Variants in CCDC169 observed in about 807,000 individuals in gnomAD.
CCDC169 encodes coiled-coil domain-containing protein 169.
CCDC169 carries 30 observed loss-of-function variants against 36.0 expected under a neutral mutation model. The ratio of observed to expected loss-of-function variants is 0.83; its 90% CI spans 0.62 to 1.13. CCDC169 has a LOEUF of 1.13. Ranked by LOEUF, CCDC169 falls within the 50% of genes most tolerant of loss-of-function variation. The pLI, the probability that CCDC169 is intolerant of heterozygous loss-of-function variation, is 0.00. For missense variants in CCDC169, 245 were observed against 245.9 expected, an observed-to-expected ratio of 1.00 and a Z score of 0.03; for synonymous variants, 85 against 81.5, an observed-to-expected ratio of 1.04 and a Z score of -0.23.
In CCDC169 at chr13:36,295,853, C is replaced by A. The variant is rs1566095380; in HGVS notation, c.88G>T (p.Ala30Ser). 12 of 1,520,976 alleles carry A rather than the reference C, an allele frequency of 7.9e-6. No individual in the cohort carries two copies. In the South Asian group the frequency reaches 1.4e-4, roughly 17 times the overall value. 94.2% of individuals were successfully genotyped at this position (1,520,976 alleles called of 1,614,324 possible). A position where few individuals can be genotyped will look rare whatever the true frequency, so the allele number is the denominator to read the frequency against. The change falls in exon 2 of 8, where the codon GCA becomes TCA. Residue 30 changes from alanine (A) to serine (S), a missense_variant. Physicochemically the swap from Ala to Ser is moderately conservative, Grantham distance 99 (BLOSUM62 1). Transcript: ENST00000239859. The stretch of plus-strand genomic sequence containing the variant: ...AGTTCAAATATTGAGAGTTGCACTG[C>A]ATCCCTGTTATTTAAAATATTTTTG... ...QLLEEVRKKD[A>S]VQLSIFELRH...
At chr13:36,259,420 T>C (rs1043802176) in intron 4 of CCDC169, among the ~76,000 whole-genome samples, 2 of 152,214 alleles carry the variant, frequency 1.3e-5, no homozygotes, top group African/African-American at 4.8e-5. Flanking sequence ...AACAAAGCAA[T>C]GGACGACAGC....
intron 7 of CCDC169, among the ~76,000 whole-genome samples, chr13:36,240,029 T>A (rs1871583566): frequency 6.6e-6 from 1 of 152,160 alleles, no homozygotes; most frequent in African/African-American, 2.4e-5. Context: ...TAGATATCTA[T>A]GTATGTAAAA....
chr13:36,295,804 T>C lies in CCDC169; in HGVS notation c.137A>G (p.Glu46Gly). The change falls in exon 2 of 8, where the codon GAA (glutamate) becomes GGA (glycine). Residue 46 changes from glutamate to glycine, a missense_variant. Physicochemically the swap from Glu to Gly is moderately conservative, Grantham distance 98. Coordinates refer to ENST00000239859, the MANE Select transcript of CCDC169 (RefSeq NM_001144981.3). ...TTCATTGTCAGTATTGAGTTTGGCT[T>C]CCAGTTCCGTAATCTTGTGTCTTAG... is the stretch of plus-strand genomic sequence containing the variant. ...FELRHKITEL[E>G]AKLNTDNEGS... 5.8e-6 allele frequency: 9 copies of C among 1,541,748 alleles called. No homozygotes were observed. Among genetic ancestry groups the C allele is most frequent in the Non-Finnish European group, 7.9e-6 (9 of 1,139,176 alleles).
intron 7 of CCDC169, 150 bp downstream of exon 7, chr13:36,248,456 C>T: frequency 1.6e-6 from 1 of 633,522 alleles, no homozygotes; most frequent in Non-Finnish European, 2.5e-6. Flanking sequence ...CAGATCACAA[C>T]TTCTTTAAGT....
chr13:36,247,235 G>C (rs1872616134), intron 7 of CCDC169, among the ~76,000 whole-genome samples: 1 of 152,130 alleles, frequency 6.6e-6, no homozygotes, highest in Admixed American at 6.5e-5. Flanking sequence ...AATGTACCTG[G>C]TTACATCCAA....
intron 4 of CCDC169, among the ~76,000 whole-genome samples, chr13:36,277,934 G>C (rs1877037815): frequency 1.4e-5 from 2 of 138,606 alleles, no homozygotes; most frequent in African/African-American, 5.4e-5. Context: ...AACAGAGCAA[G>C]ACTCCGTCTC....
At chr13:36,239,575 C>T (rs567241741) in intron 7 of CCDC169, among the ~76,000 whole-genome samples, 11 of 152,144 alleles carry the variant, frequency 7.2e-5, no homozygotes, top group Non-Finnish European at 1.5e-4. Context: ...TTCAGTAAAG[C>T]ACTATAGTAA....
chr13:36,235,452 C>T (rs911479444), intron 7 of CCDC169, among the ~76,000 whole-genome samples: 2 of 151,692 alleles, frequency 1.3e-5, no homozygotes, highest in East Asian at 1.9e-4. Flanking sequence ...AATATATTTA[C>T]GGCCATAAAT....
rs1419935834 is a variant in CCDC169, at chr13:36,257,201, A to C, written c.316-3058T>G. Among the ~76,000 whole-genome samples the C allele has an allele frequency of 2.6e-5, 4 of 152,042 alleles. 1 individual carries two copies. The East Asian group carries it at 7.7e-4, about 29-fold the overall frequency. Reference sequence around the variant, plus strand: ...CATTACTTATGCAATGCCTTGGGGGAGTGGAAAGAGCTCATGGCAGCCCCT... The same window carrying C: ...CATTACTTATGCAATGCCTTGGGGGCGTGGAAAGAGCTCATGGCAGCCCCT... On this transcript the variant is annotated intron_variant, in intron 4 of 7. Coordinates refer to ENST00000239859, the MANE Select transcript of CCDC169 (RefSeq NM_001144981.3).
At chr13:36,277,136 A>G (rs1360273011) in intron 4 of CCDC169, among the ~76,000 whole-genome samples, 3 of 152,186 alleles carry the variant, frequency 2.0e-5, no homozygotes, top group Non-Finnish European at 4.4e-5. Context: ...TGCAGCCACA[A>G]AAAGGAAAGA....
At chr13:36,261,761 A>G (rs528095090) in intron 4 of CCDC169, among the ~76,000 whole-genome samples, 25 of 152,306 alleles carry the variant, frequency 1.6e-4, no homozygotes, top group African/African-American at 5.8e-4. Flanking sequence ...TCCGTAGGAA[A>G]GCTGTATTCT....
intron 4 of CCDC169, among the ~76,000 whole-genome samples, chr13:36,268,340 C>T (rs971622915): frequency 2.0e-5 from 3 of 152,148 alleles, no homozygotes; most frequent in African/African-American, 7.2e-5. Flanking sequence ...TATACAAATA[C>T]ATGCAAATTA....
At chr13:36,278,818 GAA>G in intron 4 of CCDC169, among the ~76,000 whole-genome samples, 1 of 152,198 alleles carries the variant, frequency 6.6e-6, no homozygotes, top group African/African-American at 2.4e-5. Context: ...TGTTTTCAGA[GAA>G]GCAACTTTCC....
intron 4 of CCDC169, among the ~76,000 whole-genome samples, chr13:36,258,790 T>C (rs921010665): frequency 1.3e-5 from 2 of 152,198 alleles, no homozygotes; most frequent in African/African-American, 4.8e-5. Flanking sequence ...CTTTTATTCC[T>C]TTACTGTCTT....
intron 2 of CCDC169, among the ~76,000 whole-genome samples, chr13:36,286,145 T>C (rs765041980): frequency 2.8e-4 from 43 of 152,230 alleles, no homozygotes; most frequent in Non-Finnish European, 5.9e-4. Context: ...TAGTTGCTGA[T>C]GGCTAGCTGA....
At chr13:36,275,224 A>G (rs1042074764) in intron 4 of CCDC169, among the ~76,000 whole-genome samples, 5 of 152,202 alleles carry the variant, frequency 3.3e-5, no homozygotes, top group Non-Finnish European at 7.4e-5. Context: ...AAGTAAAAAA[A>G]AAATCACTCC....
intron 4 of CCDC169, among the ~76,000 whole-genome samples, chr13:36,259,881 T>C (rs966668566): frequency 1.3e-5 from 2 of 152,178 alleles, no homozygotes; most frequent in African/African-American, 4.8e-5. Flanking sequence ...GGTGGTGGCC[T>C]CTCTGGCCCT....
At chr13:36,280,094 AAAT>A (rs1877317565) in intron 4 of CCDC169, 1 of 152,208 alleles carries the variant, frequency 6.6e-6, no homozygotes, top group Non-Finnish European at 1.5e-5. Context: ...GAATGGAATT[AAAT>A]AATGAGTAAA....
At chr13:36,251,375 T>C (rs1201246921) in intron 6 of CCDC169, among the ~76,000 whole-genome samples, 3 of 124,486 alleles carry the variant, frequency 2.4e-5, no homozygotes, top group African/African-American at 7.9e-5. Flanking sequence ...AGAGTGAAAA[T>C]CTTTAACATT....
Sources: gnomAD v4.1 joint callset for allele counts (sites outside exome capture counted in the v4.1 genomes callset) on GRCh38, gnomAD v4.1.1 for gene constraint, MANE v1.5 for transcripts, NCBI Gene and HGNC (gene_info 2026-07-23, HGNC 2026-07-21) for gene names.